AGBL1: variants seen among roughly 807,000 people sequenced by gnomAD.
AGBL1 encodes AGBL carboxypeptidase 1, also known as cytosolic carboxypeptidase 4.
In AGBL1, 130 loss-of-function variants were observed where a neutral mutation model predicts 118.9. The ratio of observed to expected loss-of-function variants is 1.09; its 90% CI spans 0.95 to 1.26. The LOEUF is 1.26. Ranked by LOEUF, AGBL1 falls within the 50% of genes most tolerant of loss-of-function variation. The pLI is 0.00. For missense variants in AGBL1, 1,584 were observed against 1,298.1 expected, an observed-to-expected ratio of 1.22 and a Z score of -3.38; for synonymous variants, 555 against 478.9, an observed-to-expected ratio of 1.16 and a Z score of -2.08.
chr15:86,264,620 TAATTCCACTAGGACTAGAG>T lies in AGBL1; in HGVS notation c.1452_1470del (p.Asn484LysfsTer5). The T allele has an allele frequency of 6.2e-7, 1 of 1,613,798 alleles. No homozygotes were observed. Among genetic ancestry groups the T allele is most frequent in the Non-Finnish European group, 8.5e-7 (1 of 1,179,800 alleles). ...GCCCAAGGATGAGTGCCTCCTTTTC[TAATTCCACTAGGACTAGAG>T]AAGTTGTCAAAGTAATAGATAAGCT... On this transcript the variant is annotated frameshift_variant, in exon 11 of 23. Coordinates refer to ENST00000614907, the MANE Select transcript of AGBL1 (RefSeq NM_001386094.1). LOFTEE classifies it high-confidence loss of function.
chr15:86,762,672 A>G (rs994808360), intron 22 of AGBL1, among the ~76,000 whole-genome samples: 1 of 152,022 alleles, frequency 6.6e-6, no homozygotes, highest in Non-Finnish European at 1.5e-5. Flanking sequence ...ACTGTATCCT[A>G]GCCCTGGTGC....
At chr15:86,707,763 A>G (rs2086478665) in intron 22 of AGBL1, among the ~76,000 whole-genome samples, 1 of 152,168 alleles carries the variant, frequency 6.6e-6, no homozygotes, top group Non-Finnish European at 1.5e-5. Context: ...CTGAAAGACT[A>G]TTGTTATCAT....
At chr15:86,226,634 C>T (rs1406870024) in intron 6 of AGBL1, among the ~76,000 whole-genome samples, 3 of 152,174 alleles carry the variant, frequency 2.0e-5, no homozygotes, top group Admixed American at 6.5e-5. Flanking sequence ...AAACCAATAG[C>T]CAGTGCAAAC....
chr15:86,481,728 T>C (rs531918495), intron 18 of AGBL1, among the ~76,000 whole-genome samples: 1 of 152,128 alleles, frequency 6.6e-6, no homozygotes, highest in Non-Finnish European at 1.5e-5. Context: ...ATTACCTGTT[T>C]TGCACTTTAT....
rs1261651165 is a variant in AGBL1 at position 86,827,472 on chromosome 15, T to C, written c.3159-79615T>C. ...GTGTATATATATATATATATATACATATATATATATATGTGTGTATATATA... is the reference window on the plus strand; with the variant it reads ...GTGTATATATATATATATATATACACATATATATATATGTGTGTATATATA... On this transcript the variant is annotated intron_variant, in intron 22 of 22. Transcript: ENST00000614907. Among the ~76,000 whole-genome samples the C allele has an allele frequency of 4.5e-3, 50 of 11,078 alleles. 4 individuals carry two copies. Among genetic ancestry groups the C allele is most frequent in the African/African-American group, 0.015 (27 of 1,790 alleles). The allele number at this position is 11,078 out of a possible 152,430, so 7.3% of individuals were successfully genotyped here. A position where few individuals can be genotyped will look rare whatever the true frequency, so the allele number is the denominator to read the frequency against.
chr15:86,868,129 C>T (rs1003320317), intron 22 of AGBL1, among the ~76,000 whole-genome samples: 1 of 151,962 alleles, frequency 6.6e-6, no homozygotes, highest in Non-Finnish European at 1.5e-5. Flanking sequence ...TGAAGTTGAA[C>T]ATCGGTCATC....
intron 17 of AGBL1, among the ~76,000 whole-genome samples, chr15:86,307,833 A>G (rs978071720): frequency 2.0e-4 from 31 of 152,312 alleles, no homozygotes; most frequent in African/African-American, 7.5e-4. Flanking sequence ...TTAAAGAACA[A>G]TAATAAAATG....
chr15:86,790,705 C>G (rs2078480711), intron 22 of AGBL1, among the ~76,000 whole-genome samples: 1 of 152,070 alleles, frequency 6.6e-6, no homozygotes, highest in Non-Finnish European at 1.5e-5. Context: ...AACTTACTCT[C>G]AGGACTGCTC....
chr15:86,344,973 T>C (rs1348208014), intron 17 of AGBL1, among the ~76,000 whole-genome samples: 4 of 152,120 alleles, frequency 2.6e-5, no homozygotes, highest in Non-Finnish European at 5.9e-5. Context: ...AGGAACATAA[T>C]TTTCCTACAA....
chr15:86,776,319 C>T (rs1402620191), intron 22 of AGBL1, among the ~76,000 whole-genome samples: 1 of 152,090 alleles, frequency 6.6e-6, no homozygotes, highest in Non-Finnish European at 1.5e-5. Context: ...CTCATCGTAA[C>T]TTGGTGATAT....
At chr15:86,432,620 C>T (rs569282581) in intron 18 of AGBL1, among the ~76,000 whole-genome samples, 1 of 152,208 alleles carries the variant, frequency 6.6e-6, no homozygotes, top group African/African-American at 2.4e-5. Context: ...TACTCTTTTT[C>T]CCTCTCATTT....
At chr15:86,740,271 T>C (rs2077658609) in intron 22 of AGBL1, among the ~76,000 whole-genome samples, 1 of 152,218 alleles carries the variant, frequency 6.6e-6, no homozygotes, top group African/African-American at 2.4e-5. Flanking sequence ...CTTTCAGACA[T>C]GGGAGCTCAT....
In AGBL1 at chr15:86,529,702, C is replaced by T. The variant is rs573135065; in HGVS notation, c.2685+6763C>T. Among the ~76,000 whole-genome samples the T allele has an allele frequency of 7.1e-4, 107 of 151,230 alleles. 1 individual carries two copies. The East Asian group carries it at 0.018, about 26-fold the overall frequency. ...TGAAGGAAAAAATGTTAAGAGCAGC[C>T]AGAGAGAAAGGTCAGGTTACCCTCA... On this transcript the variant is annotated intron_variant, in intron 19 of 22. Transcript: ENST00000614907.
intron 6 of AGBL1, among the ~76,000 whole-genome samples, chr15:86,225,900 G>C (rs2141933544): frequency 6.6e-6 from 1 of 152,224 alleles, no homozygotes; most frequent in Non-Finnish European, 1.5e-5. Context: ...ATCACATGCT[G>C]TTTCCCTTTA....
At chr15:86,624,712 A>T (rs2084858327) in intron 21 of AGBL1, among the ~76,000 whole-genome samples, 1 of 152,306 alleles carries the variant, frequency 6.6e-6, no homozygotes, top group African/African-American at 2.4e-5. Flanking sequence ...TGCACTCTTT[A>T]TTAAGGGACA....
intron 17 of AGBL1, among the ~76,000 whole-genome samples, chr15:86,370,299 TCC>T (rs2080952789): frequency 8.1e-6 from 1 of 122,926 alleles, no homozygotes; most frequent in African/African-American, 3.4e-5. Context: ...CTGTCTCTAT[TCC>T]TTTTTTTTTT....
intron 18 of AGBL1, among the ~76,000 whole-genome samples, chr15:86,466,492 T>C (rs2082408917): frequency 6.6e-6 from 1 of 152,236 alleles, no homozygotes; most frequent in Admixed American, 6.5e-5. Flanking sequence ...AGCCTACTTC[T>C]GTCAATTGTC....
chr15:86,615,893 TA>T lies in AGBL1; in HGVS notation c.2995-58379del, dbSNP rs1054733431. Among the ~76,000 whole-genome samples, 27 of 151,576 alleles carry T rather than the reference TA, an allele frequency of 1.8e-4. No homozygotes were observed. Among genetic ancestry groups the T allele is most frequent in the African/African-American group, 4.6e-4 (19 of 41,262 alleles). ...AGTGTTGGGGTTATACATACATTGA[TA>T]GGGGGCATCAATATAAGAAAAGATG... On this transcript the variant is annotated intron_variant, in intron 21 of 22. Transcript: ENST00000614907. The surrounding 1 kb of genome is among the most constrained non-coding windows in gnomAD (Gnocchi z 4.3).
chr15:87,026,532 T>C (rs1159744596), intron 24 of AGBL1, among the ~76,000 whole-genome samples: 7 of 152,064 alleles, frequency 4.6e-5, no homozygotes. Flanking sequence ...CAGGGAACAC[T>C]TCTACACTGC....
Sources: allele counts gnomAD v4.1 joint callset (sites outside exome capture counted in the v4.1 genomes callset), GRCh38; gene constraint gnomAD v4.1.1; non-coding constraint Gnocchi (gnomAD v3.1); transcripts MANE v1.5; gene names NCBI Gene and HGNC (gene_info 2026-07-23, HGNC 2026-07-21).